The following HSF5 variants were observed in gnomAD, a reference collection of about 807,000 sequenced individuals.
HSF5 encodes the protein heat shock factor protein 5.
In HSF5, 5 loss-of-function variants were observed where a neutral mutation model predicts 50.8. That is an observed-to-expected ratio of 0.10 (90% CI 0.05 to 0.21). The LOEUF (loss-of-function observed/expected upper bound fraction) is 0.21. Ranked by LOEUF, HSF5 falls within the 10% of genes least tolerant of loss-of-function variation. The pLI is 1.00. For synonymous variants in HSF5, 307 were observed against 307.4 expected, an observed-to-expected ratio of 1.00 and a Z score of 0.02; for missense variants, 564 against 762.6, an observed-to-expected ratio of 0.74 and a Z score of 3.07.
At chr17:58,457,816 C>T (rs1974733998) in intron 5 of HSF5, among the ~76,000 whole-genome samples, 1 of 152,160 alleles carries the variant, frequency 6.6e-6, no homozygotes, top group Non-Finnish European at 1.5e-5. Context: ...GGTAAGAAAT[C>T]TTTAGTCTTT....
intron 2 of HSF5, chr17:58,477,035 C>A: frequency 3.8e-6 from 2 of 533,244 alleles, no homozygotes; most frequent in South Asian, 2.1e-5. Context: ...CACGCGCGGG[C>A]GCTTGCTGGG....
intron 5 of HSF5, among the ~76,000 whole-genome samples, chr17:58,439,545 C>T (rs1442840863): frequency 6.6e-6 from 1 of 151,808 alleles, no homozygotes; most frequent in African/African-American, 2.4e-5. Flanking sequence ...AGTGCAATAG[C>T]GCGATCTCGG....
chr17:58,463,342 A>T, intron 3 of HSF5, 39 bp from the exon 4 acceptor site: 1 of 1,506,354 alleles, frequency 6.6e-7, no homozygotes, highest in Admixed American at 1.8e-5. Flanking sequence ...GATAGAAAAT[A>T]AAATATGAGA....
intron 2 of HSF5, chr17:58,476,409 C>A (rs1262355841): frequency 3.1e-5 from 32 of 1,025,754 alleles, no homozygotes; most frequent in Non-Finnish European, 4.6e-5. Flanking sequence ...CATGCTGCCT[C>A]TTCCTGCCGG....
At chr17:58,440,833 T>C (rs1446962515) in intron 5 of HSF5, among the ~76,000 whole-genome samples, 1 of 151,986 alleles carries the variant, frequency 6.6e-6, no homozygotes, top group Non-Finnish European at 1.5e-5. Context: ...AATAACTCAG[T>C]GGATGAGTCA....
chr17:58,448,859 G>C (rs532373360), intron 5 of HSF5, among the ~76,000 whole-genome samples: 32 of 152,150 alleles, frequency 2.1e-4, no homozygotes, highest in African/African-American at 7.2e-4. Context: ...TAAAGCCTAA[G>C]ACAAAACTAT....
At chr17:58,424,778 C>A (rs770301413) in intron 5 of HSF5, among the ~76,000 whole-genome samples, 1 of 151,980 alleles carries the variant, frequency 6.6e-6, no homozygotes, top group Non-Finnish European at 1.5e-5. Flanking sequence ...AGAGCAAAAC[C>A]CTGTCTCAAA....
At chr17:58,476,868 G>GT (rs557661909) in intron 2 of HSF5, 75,684 of 999,808 alleles carry the variant, frequency 0.076, 11 homozygotes, top group South Asian at 0.1. Flanking sequence ...GCTTCTTGCT[G>GT]TTTTTTTTTT....
intron 5 of HSF5, among the ~76,000 whole-genome samples, chr17:58,451,412 A>G (rs1287408812): frequency 1.3e-5 from 2 of 152,206 alleles, no homozygotes; most frequent in Non-Finnish European, 2.9e-5. Context: ...ATATGGAACA[A>G]TCTCCAGAAT....
At chr17:58,485,230 G>C (rs994678657) in intron 1 of HSF5, among the ~76,000 whole-genome samples, 4 of 152,072 alleles carry the variant, frequency 2.6e-5, no homozygotes, top group African/African-American at 4.8e-5. Context: ...TGGGATTACA[G>C]GCGTGAGCCA....
chr17:58,473,271 G>A (rs1974972597), intron 2 of HSF5, among the ~76,000 whole-genome samples: 2 of 152,048 alleles, frequency 1.3e-5, no homozygotes, highest in East Asian at 3.9e-4. Context: ...ATAAGTATGT[G>A]TTAATAAAAA....
intron 5 of HSF5, among the ~76,000 whole-genome samples, chr17:58,453,811 G>A (rs1598190556): frequency 6.6e-6 from 1 of 151,916 alleles, no homozygotes; most frequent in Admixed American, 6.6e-5. Context: ...CATCCTGGCC[G>A]GGCATGGTGG....
intron 5 of HSF5, among the ~76,000 whole-genome samples, chr17:58,448,064 G>A (rs1390124152): frequency 3.3e-5 from 5 of 149,516 alleles, no homozygotes; most frequent in Non-Finnish European, 7.4e-5. Context: ...AACCTGGGAG[G>A]TGGAAGTTGC....
At chr17:58,457,074 C>T (rs574617691) in intron 5 of HSF5, among the ~76,000 whole-genome samples, 22 of 152,084 alleles carry the variant, frequency 1.4e-4, no homozygotes, top group African/African-American at 4.8e-4. Context: ...GCCTGGCCAA[C>T]ATGGCGGAAA....
chr17:58,425,863 G>A (rs1256553190), intron 5 of HSF5, among the ~76,000 whole-genome samples: 1 of 152,094 alleles, frequency 6.6e-6, no homozygotes, highest in African/African-American at 2.4e-5. Context: ...AATCACCTGG[G>A]ACTTTTTAAA....
chr17:58,468,422 A>C (rs1196484476), intron 2 of HSF5, among the ~76,000 whole-genome samples: 2 of 152,162 alleles, frequency 1.3e-5, no homozygotes, highest in African/African-American at 2.4e-5. Flanking sequence ...ATATATATAT[A>C]TCTCACAATA....
At chr17:58,486,352 C>T (rs528908526) in intron 1 of HSF5, among the ~76,000 whole-genome samples, 1 of 152,056 alleles carries the variant, frequency 6.6e-6, no homozygotes, top group East Asian at 1.9e-4. Flanking sequence ...GTGACAAGAG[C>T]GAAACTCCGT....
At chr17:58,476,099 A>C in intron 2 of HSF5, 1 of 794,996 alleles carries the variant, frequency 1.3e-6, no homozygotes, top group Non-Finnish European at 1.9e-6. Flanking sequence ...AATTTTTAAA[A>C]AGGAAGGTCA....
intron 5 of HSF5, among the ~76,000 whole-genome samples, chr17:58,458,038 T>C (rs1974736971): frequency 6.6e-6 from 1 of 152,206 alleles, no homozygotes; most frequent in Admixed American, 6.5e-5. Flanking sequence ...AAAATGATGG[T>C]CTGTCATTTT....
Sources: allele counts gnomAD v4.1 joint callset (sites outside exome capture counted in the v4.1 genomes callset), GRCh38; gene constraint gnomAD v4.1.1; transcripts MANE v1.5; gene names NCBI Gene and HGNC (gene_info 2026-07-23, HGNC 2026-07-21).